The following IGSF9B variants were observed in gnomAD, a reference collection of about 807,000 sequenced individuals.
IGSF9B encodes protein turtle homolog B.
Under a neutral mutation model 143.7 loss-of-function variants are expected in IGSF9B, and 48 were observed. The ratio of observed to expected loss-of-function variants is 0.33; its 90% CI spans 0.26 to 0.42. IGSF9B has a LOEUF of 0.42. Ranked by LOEUF, IGSF9B falls within the 20% of genes least tolerant of loss-of-function variation. The probability of loss-of-function intolerance (pLI) is 1.00; values close to 1 mark genes in which losing one functional copy is unlikely to be tolerated. For missense variants in IGSF9B, 1,706 were observed against 1,980.0 expected, an observed-to-expected ratio of 0.86 and a Z score of 2.63; for synonymous variants, 903 against 833.1, an observed-to-expected ratio of 1.08 and a Z score of -1.44.
chr11:133,908,837 T>TAAAAA lies in IGSF9B; in HGVS notation c.*231_*232insTTTTT. ...AGGGGAGGAGACAGGTGTTGCCCAG[T>TAAAAA]CTCCAATCCACTTCCTGACCTCGAC... On this transcript the variant is annotated 3_prime_UTR_variant, in exon 20 of 20. Transcript: ENST00000533871. 1.9e-6 allele frequency: 1 copy of TAAAAA among 513,644 alleles called. No individual in the cohort carries two copies. The highest frequency in any genetic ancestry group is 3.0e-5 in the South Asian group (1 of 32,844). 31.8% of individuals were successfully genotyped at this position (513,644 alleles called of 1,614,324 possible).
Position 133,932,266 on chromosome 11 carries a change from CAGACAGACACAG to C in IGSF9B, c.968-65_968-54del, listed in dbSNP as rs915240101. The stretch of plus-strand genomic sequence containing the variant: ...GCAGACAGACAGACACAGGGACAGA[CAGACAGACACAG>C]GGACAGACAGACAGACACAGGGACA... On this transcript the variant is annotated intron_variant, in intron 7 of 19. Coordinates refer to ENST00000533871, the MANE Select transcript of IGSF9B (RefSeq NM_001277285.4). 1.7e-4 allele frequency: 258 copies of C among 1,508,676 alleles called. No individual in the cohort carries two copies. The African/African-American group carries it at 2.6e-3, about 15-fold the overall frequency. The allele number at this position is 1,508,676 out of a possible 1,614,324, so 93.5% of individuals were successfully genotyped here. A position where few individuals can be genotyped will look rare whatever the true frequency, so the allele number is the denominator to read the frequency against.
Position 133,924,850 on chromosome 11 carries a change from G to C in IGSF9B, c.2089C>G (p.Pro697Ala). The stretch of plus-strand genomic sequence containing the variant: ...CTGGAGACGCCGGCGATGTTGCTGG[G>C]CTCGCTGATCAGATCCTGCATGACG... ...LAVMQDLISE[P>A]SNIAGVSSTD... is the part of the protein sequence containing the mutation. Residue 697 changes from proline to alanine, a missense_variant, in exon 15 of 20, where the codon CCC becomes GCC. Transcript: ENST00000533871. The C allele has an allele frequency of 2.5e-6, 4 of 1,613,728 alleles. No homozygotes were observed. The highest frequency in any genetic ancestry group is 1.1e-5 in the South Asian group (1 of 91,064).
At chr11:133,937,658 C>T (rs528841742) in intron 4 of IGSF9B, among the ~76,000 whole-genome samples, 152 bp downstream of exon 4, 70 of 152,342 alleles carry the variant, frequency 4.6e-4, no homozygotes, top group African/African-American at 1.6e-3. Flanking sequence ...CTCCCGCCAG[C>T]GACACAGAGA....
chr11:133,944,545 T>C (rs186918692), intron 2 of IGSF9B, among the ~76,000 whole-genome samples, 179 bp from the exon 3 acceptor site: 108 of 152,162 alleles, frequency 7.1e-4, no homozygotes, highest in African/African-American at 2.4e-3. Context: ...GGAAAGGGCA[T>C]AGCACCTTGG....
chr11:133,912,469 A>C (rs1355001561), intron 18 of IGSF9B: 2 of 420,084 alleles, frequency 4.8e-6, no homozygotes, highest in Non-Finnish European at 9.6e-6. Context: ...TCTCCAGAAA[A>C]GGGGGTGCTA....
chr11:133,938,145 A>C (rs1939860019), intron 3 of IGSF9B, 184 bp from the exon 4 acceptor site: 1 of 635,236 alleles, frequency 1.6e-6, no homozygotes. Flanking sequence ...CCTGCATCCA[A>C]ACTCAGGCTG....
chr11:133,936,661 G>A (rs1939829609), intron 5 of IGSF9B, among the ~76,000 whole-genome samples: 1 of 152,162 alleles, frequency 6.6e-6, no homozygotes, highest in Non-Finnish European at 1.5e-5. Context: ...AGTCTCCCCT[G>A]AGAGGGAACA....
At position 133,909,900 on chromosome 11, in the gene IGSF9B, T is replaced by C. The variant is rs1306508854; in HGVS notation, c.4106-623A>G. On this transcript the variant is annotated intron_variant, in intron 19 of 19. Coordinates refer to ENST00000533871, the MANE Select transcript of IGSF9B (RefSeq NM_001277285.4). The surrounding 1 kb of genome is among the most constrained non-coding windows in gnomAD (Gnocchi z 4.2). ...TACTGAAAATACTACAAAGATAAAA[T>C]AGGGTCAACTGAGGCACTACTCCGC... Among the ~76,000 whole-genome samples the C allele has an allele frequency of 1.3e-5, 2 of 152,090 alleles. No individual in the cohort carries two copies. The highest frequency in any genetic ancestry group is 3.8e-4 in the East Asian group (2 of 5,196).
intron 3 of IGSF9B, among the ~76,000 whole-genome samples, chr11:133,941,157 T>C (rs1299561475): frequency 1.3e-5 from 2 of 152,252 alleles, no homozygotes; most frequent in Non-Finnish European, 2.9e-5. Context: ...GGCTTGACTG[T>C]CAATTATTTA....
Position 133,908,196 on chromosome 11 carries a change from T to G in IGSF9B, c.*873A>C, listed in dbSNP as rs1207499327. The stretch of plus-strand genomic sequence containing the variant: ...GCTTGCTTTAGCCCCGCGGCTGAGT[T>G]AGCCTCTACTCCTGCAGCGTGAGCC... On this transcript the variant is annotated 3_prime_UTR_variant, in exon 20 of 20. Transcript: ENST00000533871. Among the ~76,000 whole-genome samples the G allele has an allele frequency of 1.3e-5, 2 of 152,210 alleles. No individual in the cohort carries two copies. Among genetic ancestry groups the G allele is most frequent in the Non-Finnish European group, 2.9e-5 (2 of 68,034 alleles).
intron 1 of IGSF9B, among the ~76,000 whole-genome samples, chr11:133,947,742 C>CTCT (rs775225561): frequency 2.0e-5 from 3 of 150,574 alleles, no homozygotes; most frequent in Non-Finnish European, 3.0e-5. Context: ...CTCTCTCTCG[C>CTCT]ATCTCTGGAT....
In IGSF9B at chr11:133,907,654, A is replaced by G. The variant is rs1357512318; in HGVS notation, c.*1415T>C. 6.6e-6 allele frequency among the ~76,000 whole-genome samples: 1 copy of G among 152,184 alleles called. No homozygotes were observed. The highest frequency in any genetic ancestry group is 1.5e-5 in the Non-Finnish European group (1 of 68,036). ...GAAGATGATCTCAGGAAGCTTCTGGATGCTACGAGTTTGAACCAGGACCAG... is the reference window on the plus strand; with the variant it reads ...GAAGATGATCTCAGGAAGCTTCTGGGTGCTACGAGTTTGAACCAGGACCAG... On this transcript the variant is annotated 3_prime_UTR_variant, in exon 20 of 20. Coordinates refer to ENST00000533871, the MANE Select transcript of IGSF9B (RefSeq NM_001277285.4).
At chr11:133,947,665 T>C (rs955750433) in intron 1 of IGSF9B, among the ~76,000 whole-genome samples, 10 of 151,402 alleles carry the variant, frequency 6.6e-5, no homozygotes, top group African/African-American at 2.2e-4. Context: ...CACCTCTCTG[T>C]GTCTGTGCAC....
chr11:133,930,149 C>T (rs942174693), intron 11 of IGSF9B, among the ~76,000 whole-genome samples: 1 of 152,142 alleles, frequency 6.6e-6, no homozygotes, highest in South Asian at 2.1e-4. Flanking sequence ...GAGCCCCTCC[C>T]GTAAGGTTCT....
Position 133,945,776 on chromosome 11 carries a change from C to T in IGSF9B, c.262+285G>A, listed in dbSNP as rs1940036135. Among the ~76,000 whole-genome samples, 1 of 152,156 alleles carries T rather than the reference C, an allele frequency of 6.6e-6. No individual in the cohort carries two copies. The highest frequency in any genetic ancestry group is 1.5e-5 in the Non-Finnish European group (1 of 68,026). On this transcript the variant is annotated intron_variant, in intron 2 of 19. Coordinates refer to ENST00000533871, the MANE Select transcript of IGSF9B (RefSeq NM_001277285.4). This position sits in a 1 kb window ranked among gnomAD's most constrained non-coding sequence, Gnocchi z 4.6. ...TGCCTGACTCAGTCTGCTGTCCTCTCCATCCCACTCTCCCACCCAGGCCTC... is the reference window on the plus strand; with the variant it reads ...TGCCTGACTCAGTCTGCTGTCCTCTTCATCCCACTCTCCCACCCAGGCCTC...
intron 7 of IGSF9B, 76 bp downstream of exon 7, chr11:133,935,541 C>G (rs1239886865): frequency 1.4e-6 from 2 of 1,460,028 alleles, no homozygotes; most frequent in Non-Finnish European, 1.8e-6. Flanking sequence ...CTTTGCTACC[C>G]TCCAGCCTAC....
chr11:133,930,014 A>G (rs1939694723), intron 11 of IGSF9B, among the ~76,000 whole-genome samples: 1 of 152,184 alleles, frequency 6.6e-6, no homozygotes, highest in African/African-American at 2.4e-5. Context: ...TAGTCCAACT[A>G]GGAGATCACA....
In IGSF9B at chr11:133,920,021, G is replaced by C; in HGVS notation, c.3704C>G (p.Ser1235Ter). Residue 1235 changes from serine (S) to a stop codon, truncating the protein, a stop_gained, in exon 18 of 20, where the codon TCA (serine) becomes TGA (stop). Coordinates refer to ENST00000533871, the MANE Select transcript of IGSF9B (RefSeq NM_001277285.4). LOFTEE classifies it high-confidence loss of function. ...AGCCGGCGGCTGCAGGGTGATCTCT[G>C]ACATCTCTGCCTGCTGCAGGAGGCC... is the stretch of plus-strand genomic sequence containing the variant. Reference protein sequence around the residue: ...RPGLLQQAEMSEITLQPPAAV... With the variant: ...RPGLLQQAEM 1.3e-6 allele frequency: 2 copies of C among 1,584,772 alleles called. No individual in the cohort carries two copies. Among genetic ancestry groups the C allele is most frequent in the Non-Finnish European group, 1.7e-6 (2 of 1,165,484 alleles).
intron 3 of IGSF9B, chr11:133,938,239 A>C: frequency 2.9e-6 from 1 of 344,766 alleles, no homozygotes; most frequent in Admixed American, 4.2e-5. Flanking sequence ...CCTTACAAAC[A>C]CTGCCTGCTC....
Sources: allele counts gnomAD v4.1 joint callset (sites outside exome capture counted in the v4.1 genomes callset), GRCh38; gene constraint gnomAD v4.1.1; non-coding constraint Gnocchi (gnomAD v3.1); transcripts MANE v1.5; gene names NCBI Gene and HGNC (gene_info 2026-07-23, HGNC 2026-07-21).